RBFOX2: variants seen among roughly 807,000 people sequenced by gnomAD.
RBFOX2 encodes RNA binding fox-1 homolog 2.
A neutral mutation model predicts 49.1 loss-of-function variants in RBFOX2; 10 were observed. That is an observed-to-expected ratio of 0.20 (90% CI 0.13 to 0.35). The LOEUF is 0.35. Ranked by LOEUF, RBFOX2 falls within the 10% of genes least tolerant of loss-of-function variation. The pLI is 1.00. For missense variants in RBFOX2, 323 were observed against 486.9 expected (o/e 0.66, Z 3.17); for synonymous variants, 183 against 187.4 (o/e 0.98, Z 0.19).
intron 1 of RBFOX2, among the ~76,000 whole-genome samples, chr22:35,876,410 GA>G (rs1206540499): frequency 6.6e-6 from 1 of 151,462 alleles, no homozygotes; most frequent in East Asian, 1.9e-4. Flanking sequence ...AATGTGCTCG[GA>G]AAAAAAGACT....
chr22:35,904,335 C>T (rs2048898271), intron 1 of RBFOX2, among the ~76,000 whole-genome samples: 1 of 152,114 alleles, frequency 6.6e-6, no homozygotes, highest in South Asian at 2.1e-4. Context: ...ACAGATTTCT[C>T]CATTAGAAAG....
At chr22:35,931,447 G>C (rs1049734469) in intron 1 of RBFOX2, among the ~76,000 whole-genome samples, 2 of 152,068 alleles carry the variant, frequency 1.3e-5, no homozygotes, top group African/African-American at 4.8e-5. Flanking sequence ...TGGGTGGAGA[G>C]ATGGAAAGTA....
chr22:35,802,346 G>C (rs1395429518), intron 2 of RBFOX2, among the ~76,000 whole-genome samples: 1 of 152,164 alleles, frequency 6.6e-6, no homozygotes, highest in Non-Finnish European at 1.5e-5. Flanking sequence ...GGTATGAACA[G>C]GTCAGTGAAC....
chr22:35,944,147 T>C (rs1024172131), intron 1 of RBFOX2, among the ~76,000 whole-genome samples: 1 of 151,958 alleles, frequency 6.6e-6, no homozygotes, highest in African/African-American at 2.4e-5. Context: ...GAGCTGAGAG[T>C]CATAATAATT....
chr22:36,028,525 TGCCCCC>T, exon 1 of RBFOX2: 4 of 975,336 alleles, frequency 4.1e-6, no homozygotes, highest in Non-Finnish European at 4.9e-6. Context: ...GGCGCGCGCC[TGCCCCC>T]GCCCCCGCGT....
intron 1 of RBFOX2, among the ~76,000 whole-genome samples, chr22:35,812,197 A>G (rs1032292290): frequency 1.3e-5 from 2 of 150,992 alleles, no homozygotes; most frequent in African/African-American, 4.9e-5. Context: ...GGAGGAGGAC[A>G]TTGCAGTGAA....
At chr22:36,001,370 A>G (rs1416013993) in intron 1 of RBFOX2, among the ~76,000 whole-genome samples, 1 of 152,232 alleles carries the variant, frequency 6.6e-6, no homozygotes, top group Non-Finnish European at 1.5e-5. Context: ...CTACATATCA[A>G]TAAGAAAAAA....
At chr22:35,783,326 C>T (rs1945618199) in intron 2 of RBFOX2, among the ~76,000 whole-genome samples, 1 of 152,236 alleles carries the variant, frequency 6.6e-6, no homozygotes, top group South Asian at 2.1e-4. Flanking sequence ...CTCAATCACG[C>T]TGCCTTTCCA....
chr22:35,829,061 C>T lies in RBFOX2; in HGVS notation c.27+11131G>A, dbSNP rs532322729. 4.6e-5 allele frequency among the ~76,000 whole-genome samples: 7 copies of T among 151,962 alleles called. No individual in the cohort carries two copies. In the South Asian group the frequency reaches 1.5e-3, roughly 32 times the overall value. On this transcript the variant is annotated intron_variant, in intron 1 of 11. Transcript: ENST00000405409. ...GCGAGACTCCATCTCAAAAAACAAA[C>T]AACAAAACAAAACAAACAAACAACC... is the stretch of plus-strand genomic sequence containing the variant.
intron 1 of RBFOX2, among the ~76,000 whole-genome samples, chr22:35,934,131 A>G (rs1670533990): frequency 6.6e-6 from 1 of 151,420 alleles, no homozygotes; most frequent in African/African-American, 2.4e-5. Context: ...TTTCACCCAA[A>G]TTGCTCTGAA....
At chr22:35,936,874 C>G (rs966409577) in intron 1 of RBFOX2, among the ~76,000 whole-genome samples, 1 of 152,208 alleles carries the variant, frequency 6.6e-6, no homozygotes, top group Non-Finnish European at 1.5e-5. Flanking sequence ...TTTCAGTCTT[C>G]TAAACTCAGT....
upstream of RBFOX2, among the ~76,000 whole-genome samples, chr22:35,964,587 T>C (rs2056447787): frequency 6.6e-6 from 1 of 152,226 alleles, no homozygotes; most frequent in Non-Finnish European, 1.5e-5. Flanking sequence ...AATGTCATAA[T>C]ACCTACACAG....
At chr22:35,993,230 G>T (rs963792895) in intron 1 of RBFOX2, 1 of 152,124 alleles carries the variant, frequency 6.6e-6, no homozygotes, top group Non-Finnish European at 1.5e-5. Flanking sequence ...AAAATGAATC[G>T]AATTGTTCCA....
chr22:35,856,087 A>C (rs1024835548), intron 1 of RBFOX2, among the ~76,000 whole-genome samples: 3 of 152,174 alleles, frequency 2.0e-5, no homozygotes, highest in Admixed American at 6.5e-5. Flanking sequence ...ATCAGGGAGA[A>C]ACAGACCTAG....
intron 1 of RBFOX2, among the ~76,000 whole-genome samples, chr22:36,009,546 G>GA (rs1569522576): frequency 4.0e-5 from 6 of 151,634 alleles, no homozygotes; most frequent in Non-Finnish European, 8.8e-5. Context: ...TCTAAGTTTC[G>GA]TTTTTTTTGT....
At chr22:35,744,077 GTTTT>G (rs555384019) in exon 12 of RBFOX2, 38 of 771,664 alleles carry the variant, frequency 4.9e-5, no homozygotes, top group Admixed American at 2.1e-4. Flanking sequence ...CTTTTTTTGT[GTTTT>G]TTTTTGTTTG....
chr22:35,865,794 A>T lies in RBFOX2; in HGVS notation c.-33-55790T>A, dbSNP rs183820875. On this transcript the variant is annotated intron_variant, in intron 1 of 13. Coordinates refer to the RBFOX2 transcript ENST00000359369. ...GTATTGCATATTCTTTCTAAAACCC[A>T]AAAGATTCCAAATGATAATACATAT... 6.8e-4 allele frequency among the ~76,000 whole-genome samples: 104 copies of T among 152,362 alleles called. 1 individual carries two copies. The highest frequency in any genetic ancestry group is 3.4e-3 in the Middle Eastern group (1 of 294).
rs139380763 is a variant in RBFOX2 at position 35,759,580 on chromosome 22, C to T, written c.887+308G>A. 3.4e-3 allele frequency among the ~76,000 whole-genome samples: 511 copies of T among 152,246 alleles called. 2 individuals are homozygous for T. Among genetic ancestry groups the T allele is most frequent in the Non-Finnish European group, 5.8e-3 (394 of 68,014 alleles). On this transcript the variant is annotated intron_variant, in intron 9 of 11. Transcript: ENST00000405409. The surrounding 1 kb of genome is among the most constrained non-coding windows in gnomAD (Gnocchi z 4.6). ...GCAGTAATGTTAATCCATATTCGTG[C>T]GCTTCTGAGTGAACTTCATGCCAAC...
chr22:35,924,835 C>A (rs565287118), intron 1 of RBFOX2, among the ~76,000 whole-genome samples: 54 of 152,310 alleles, frequency 3.5e-4, no homozygotes, highest in Non-Finnish European at 6.9e-4. Flanking sequence ...GTTGGTCAAA[C>A]CTTTTCACCA....
Sources: gnomAD v4.1 joint callset for allele counts (sites outside exome capture counted in the v4.1 genomes callset) on GRCh38, gnomAD v4.1.1 for gene constraint, Gnocchi (gnomAD v3.1) non-coding constraint, MANE v1.5 for transcripts, NCBI Gene and HGNC (gene_info 2026-07-23, HGNC 2026-07-21) for gene names.